The following C4orf51 variants were observed in gnomAD, a reference collection of about 807,000 sequenced individuals.
C4orf51 encodes the protein uncharacterized protein C4orf51.
Under a neutral mutation model 25.2 loss-of-function variants are expected in C4orf51, and 25 were observed. That is an observed-to-expected ratio of 0.99 (90% CI 0.72 to 1.39). C4orf51 has a LOEUF of 1.39. C4orf51 is among the 40% of genes most tolerant of loss of function. The probability of loss-of-function intolerance (pLI) is 0.00; values close to 1 mark genes in which losing one functional copy is unlikely to be tolerated. For missense variants in C4orf51, 252 were observed against 239.6 expected (o/e 1.05, Z -0.34); for synonymous variants, 100 against 84.5 (o/e 1.18, Z -1.01).
At position 145,727,154 on chromosome 4, in the gene C4orf51, C is replaced by T. The variant is rs79616316; in HGVS notation, c.366+185C>T. On this transcript the variant is annotated intron_variant, in intron 3 of 5. Transcript: ENST00000438731. ...TAGGTGATAGGAACACAACAATAAC[C>T]AAGGTTACGAATTGTGAACAACTGA... Among the ~76,000 whole-genome samples, 3 of 152,082 alleles carry T rather than the reference C, an allele frequency of 2.0e-5. No individual in the cohort carries two copies. The East Asian group carries it at 5.8e-4, about 29-fold the overall frequency.
At chr4:145,752,032 C>T (rs1334258507) in intron 1 of C4orf51, among the ~76,000 whole-genome samples, 2 of 152,172 alleles carry the variant, frequency 1.3e-5, no homozygotes, top group Non-Finnish European at 2.9e-5. Flanking sequence ...GCCTGGGACT[C>T]ACCTGTCAGG....
chr4:145,741,470 G>T (rs1733095711), intron 1 of C4orf51, among the ~76,000 whole-genome samples: 1 of 152,102 alleles, frequency 6.6e-6, no homozygotes, highest in South Asian at 2.1e-4. Flanking sequence ...CAATAGTAGG[G>T]ATGGTATGAA....
At chr4:145,790,748 A>G in the C4orf51 span, among the ~76,000 whole-genome samples, 1 of 152,314 alleles carries the variant, frequency 6.6e-6, no homozygotes, top group South Asian at 2.1e-4. Flanking sequence ...ACACTGCAAT[A>G]TTCTTGTGTG....
intron 3 of C4orf51, among the ~76,000 whole-genome samples, chr4:145,727,990 AAT>A (rs1732190154): frequency 1.5e-5 from 2 of 133,966 alleles, no homozygotes; most frequent in Non-Finnish European, 3.1e-5. Flanking sequence ...CATTATATAT[AAT>A]ATATTATATA....
chr4:145,745,929 G>A (rs1270450248), intron 1 of C4orf51, among the ~76,000 whole-genome samples: 2 of 152,012 alleles, frequency 1.3e-5, no homozygotes, highest in Middle Eastern at 3.2e-3. Flanking sequence ...ACTTGGGCGA[G>A]ATGATATCTC....
chr4:145,698,032 G>T (rs1488158135), intron 2 of C4orf51, among the ~76,000 whole-genome samples: 2 of 152,280 alleles, frequency 1.3e-5, no homozygotes, highest in Non-Finnish European at 1.5e-5. Flanking sequence ...ACAGGTAGAA[G>T]TAATACCTGG....
intron 2 of C4orf51, among the ~76,000 whole-genome samples, chr4:145,706,141 A>C (rs1560835365): frequency 6.6e-6 from 1 of 152,112 alleles, no homozygotes; most frequent in Non-Finnish European, 1.5e-5. Flanking sequence ...TTTTTGAAAC[A>C]GATTTTTTTT....
chr4:145,787,263 G>C, the C4orf51 span, among the ~76,000 whole-genome samples: 1,103 of 152,134 alleles, frequency 7.3e-3, 13 homozygotes, highest in African/African-American at 0.025. Flanking sequence ...AGGAGTTCGA[G>C]AACAGCCTGG....
At chr4:145,688,028 A>C (rs1729281882) in intron 1 of C4orf51, among the ~76,000 whole-genome samples, 1 of 148,626 alleles carries the variant, frequency 6.7e-6, no homozygotes, top group South Asian at 2.2e-4. Context: ...ACATAGTGAG[A>C]CTTCATCTCT....
the C4orf51 span, among the ~76,000 whole-genome samples, chr4:145,781,704 G>A: frequency 1.3e-5 from 2 of 152,214 alleles, no homozygotes; most frequent in African/African-American, 4.8e-5. Context: ...CTGTCCTTGA[G>A]TCCACGCAGT....
intron 1 of C4orf51, among the ~76,000 whole-genome samples, chr4:145,683,144 C>T (rs866634029): frequency 6.6e-6 from 1 of 151,974 alleles, no homozygotes; most frequent in African/African-American, 2.4e-5. Flanking sequence ...AAACATAATA[C>T]CATATACACT....
At chr4:145,691,271 A>G (rs1729543775) in intron 1 of C4orf51, among the ~76,000 whole-genome samples, 1 of 152,242 alleles carries the variant, frequency 6.6e-6, no homozygotes, top group Non-Finnish European at 1.5e-5. Context: ...CAGAATGGCT[A>G]CTAATAAAAA....
chr4:145,783,502 A>G, the C4orf51 span, among the ~76,000 whole-genome samples: 1 of 152,226 alleles, frequency 6.6e-6, no homozygotes, highest in Non-Finnish European at 1.5e-5. Context: ...ACCTCTTCCC[A>G]ATAGCATCAA....
chr4:145,752,772 G>A (rs1350651566), intron 1 of C4orf51, among the ~76,000 whole-genome samples: 2 of 152,178 alleles, frequency 1.3e-5, no homozygotes, highest in Non-Finnish European at 2.9e-5. Context: ...ATTTCTGAGC[G>A]CTTTAGCTCA....
chr4:145,774,860 G>A (rs1269242919), downstream of C4orf51, among the ~76,000 whole-genome samples: 5 of 152,218 alleles, frequency 3.3e-5, no homozygotes, highest in Non-Finnish European at 7.3e-5. Context: ...TAGTCACTGT[G>A]CCAAAGAGAC....
At chr4:145,705,226 C>T (rs1324914044) in intron 2 of C4orf51, among the ~76,000 whole-genome samples, 1 of 152,220 alleles carries the variant, frequency 6.6e-6, no homozygotes, top group African/African-American at 2.4e-5. Flanking sequence ...GCCCATTCAT[C>T]AAACTCCTGA....
intron 2 of C4orf51, among the ~76,000 whole-genome samples, chr4:145,720,063 C>G (rs1052787871): frequency 6.6e-6 from 1 of 152,060 alleles, no homozygotes; most frequent in African/African-American, 2.4e-5. Flanking sequence ...ATTTCCAAAG[C>G]TTATTGATCC....
chr4:145,769,578 G>T (rs994832364), intron 1 of C4orf51, among the ~76,000 whole-genome samples: 1 of 152,180 alleles, frequency 6.6e-6, no homozygotes, highest in East Asian at 1.9e-4. Flanking sequence ...CTGTGATGCA[G>T]CCCAGCTTGC....
At chr4:145,739,327 G>A (rs373138041) in intron 1 of C4orf51, among the ~76,000 whole-genome samples, 2 of 152,310 alleles carry the variant, frequency 1.3e-5, no homozygotes, top group East Asian at 1.9e-4. Context: ...GATCCAGAAT[G>A]CGAAGCTCTG....
Sources: gnomAD v4.1 joint callset for allele counts (sites outside exome capture counted in the v4.1 genomes callset) on GRCh38, gnomAD v4.1.1 for gene constraint, MANE v1.5 for transcripts, NCBI Gene and HGNC (gene_info 2026-07-23, HGNC 2026-07-21) for gene names.